The following PRKCA variants were observed in gnomAD, a reference collection of about 807,000 sequenced individuals.
PRKCA encodes the protein protein kinase C alpha.
Under a neutral mutation model 87.0 loss-of-function variants are expected in PRKCA, and 27 were observed. That is an observed-to-expected ratio of 0.31 (90% CI 0.23 to 0.43). The LOEUF is 0.43. Among genes scored for constraint, PRKCA ranks in the 20% least tolerant of loss-of-function variants. PRKCA has a pLI of 1.00. For missense variants in PRKCA, 518 were observed against 852.3 expected (o/e 0.61, Z 4.88); for synonymous variants, 329 against 311.1 (o/e 1.06, Z -0.61).
At chr17:66,413,551 C>T (rs972696298) in intron 2 of PRKCA, among the ~76,000 whole-genome samples, 5 of 152,300 alleles carry the variant, frequency 3.3e-5, no homozygotes, top group East Asian at 3.9e-4. Flanking sequence ...CAGCCACCTA[C>T]GCATCAGGAG....
At chr17:66,738,920 T>TC in intron 11 of PRKCA, 65 bp downstream of exon 11, 1 of 1,333,978 alleles carries the variant, frequency 7.5e-7, no homozygotes, top group Non-Finnish European at 1.1e-6. Context: ...AAACTTCCTT[T>TC]TTTCCCCCCC....
chr17:66,591,313 C>A (rs531288003), intron 3 of PRKCA, among the ~76,000 whole-genome samples: 1 of 144,502 alleles, frequency 6.9e-6, no homozygotes, highest in Admixed American at 7.0e-5. Flanking sequence ...CCACCATGCC[C>A]AGCTAATTTT....
chr17:66,643,063 A>G (rs539671741), intron 4 of PRKCA, among the ~76,000 whole-genome samples: 2 of 152,166 alleles, frequency 1.3e-5, no homozygotes, highest in Non-Finnish European at 2.9e-5. Context: ...AAAATAAAAA[A>G]AAGAAACCCT....
intron 16 of PRKCA, among the ~76,000 whole-genome samples, chr17:66,799,920 T>C (rs1308228614): frequency 1.3e-5 from 2 of 151,948 alleles, no homozygotes; most frequent in Non-Finnish European, 2.9e-5. Context: ...CCCTGCCTCT[T>C]GGTGGGGGAA....
At chr17:66,362,653 A>G (rs528856290) in intron 2 of PRKCA, among the ~76,000 whole-genome samples, 3 of 149,258 alleles carry the variant, frequency 2.0e-5, no homozygotes, top group African/African-American at 4.9e-5. Context: ...GTCTCCCTCA[A>G]CTAGTGAGGT....
chr17:66,791,192 A>G (rs1443360469), intron 16 of PRKCA, among the ~76,000 whole-genome samples: 1 of 137,412 alleles, frequency 7.3e-6, no homozygotes, highest in South Asian at 2.3e-4. Flanking sequence ...TAAAATTAAG[A>G]AGGAAGGATA....
intron 8 of PRKCA, among the ~76,000 whole-genome samples, chr17:66,726,057 A>G (rs1367387674): frequency 6.6e-6 from 1 of 152,152 alleles, no homozygotes; most frequent in East Asian, 1.9e-4. Context: ...TCCTGTTCCC[A>G]TAACTCGGGC....
At chr17:66,645,327 G>A in intron 4 of PRKCA, 56 bp from the exon 5 acceptor site, 8 of 1,610,906 alleles carry the variant, frequency 5.0e-6, no homozygotes, top group Non-Finnish European at 6.8e-6. Context: ...AAAACACTGA[G>A]GAGCGGTGGT....
At chr17:66,311,479 G>C (rs1487263782) in intron 2 of PRKCA, among the ~76,000 whole-genome samples, 1 of 152,110 alleles carries the variant, frequency 6.6e-6, no homozygotes, top group Non-Finnish European at 1.5e-5. Context: ...AGCTGGGCAT[G>C]GTGGTGCAGC....
chr17:66,679,643 C>T (rs934084477), intron 5 of PRKCA, among the ~76,000 whole-genome samples: 4 of 152,242 alleles, frequency 2.6e-5, no homozygotes, highest in Non-Finnish European at 5.9e-5. Flanking sequence ...TTCACTTTTC[C>T]CTCTGTGCTC....
chr17:66,332,128 T>C (rs1300770896), intron 2 of PRKCA, among the ~76,000 whole-genome samples: 2 of 152,074 alleles, frequency 1.3e-5, no homozygotes, highest in Admixed American at 6.6e-5. Context: ...GTAATACCTC[T>C]TGGAATAGAC....
At chr17:66,717,362 T>C (rs1440569821) in intron 8 of PRKCA, among the ~76,000 whole-genome samples, 1 of 152,168 alleles carries the variant, frequency 6.6e-6, no homozygotes, top group Non-Finnish European at 1.5e-5. Flanking sequence ...ATATTTACTA[T>C]CTGGACCTTT....
intron 3 of PRKCA, among the ~76,000 whole-genome samples, chr17:66,556,312 T>G (rs1423375688): frequency 7.2e-6 from 1 of 139,544 alleles, no homozygotes; most frequent in Admixed American, 7.7e-5. Context: ...AATAATCTTT[T>G]CTTTCTTCTT....
intron 3 of PRKCA, among the ~76,000 whole-genome samples, chr17:66,511,873 G>T (rs558972175): frequency 6.6e-6 from 1 of 151,994 alleles, no homozygotes; most frequent in Admixed American, 6.6e-5. Flanking sequence ...TGGAGACAGG[G>T]TTTCACCATA....
At chr17:66,562,799 G>C (rs564476780) in intron 3 of PRKCA, among the ~76,000 whole-genome samples, 79 of 152,240 alleles carry the variant, frequency 5.2e-4, no homozygotes, top group African/African-American at 1.8e-3. Context: ...GTTTCACCAT[G>C]TTGGCCAGGC....
At chr17:66,692,432 G>C (rs1215414672) in intron 8 of PRKCA, among the ~76,000 whole-genome samples, 2 of 152,112 alleles carry the variant, frequency 1.3e-5, no homozygotes, top group Admixed American at 6.5e-5. Flanking sequence ...TTTAGGCAGG[G>C]GTTCAATCAC....
chr17:66,374,632 G>C (rs1426751981), intron 2 of PRKCA, among the ~76,000 whole-genome samples: 1 of 152,130 alleles, frequency 6.6e-6, no homozygotes, highest in African/African-American at 2.4e-5. Context: ...CCTGGTCTGT[G>C]GGGAGCTGCA....
At chr17:66,304,886 C>T (rs192118182) in intron 1 of PRKCA, among the ~76,000 whole-genome samples, 4 of 114,644 alleles carry the variant, frequency 3.5e-5, no homozygotes, top group Non-Finnish European at 7.6e-5. Context: ...AAGAGGAGGT[C>T]AGCTGTGAGA....
chr17:66,324,713 A>T (rs1290338942), intron 2 of PRKCA, among the ~76,000 whole-genome samples: 3 of 152,200 alleles, frequency 2.0e-5, no homozygotes, highest in Non-Finnish European at 2.9e-5. Context: ...GGTAATCTTG[A>T]TTTGTCTCCA....
Sources: allele counts gnomAD v4.1 joint callset (sites outside exome capture counted in the v4.1 genomes callset), GRCh38; gene constraint gnomAD v4.1.1; transcripts MANE v1.5; gene names NCBI Gene and HGNC (gene_info 2026-07-23, HGNC 2026-07-21).